Variants in CCDC192 observed in about 807,000 individuals in gnomAD.
CCDC192 encodes coiled-coil domain containing 192.
intron 5 of CCDC192, among the ~76,000 whole-genome samples, chr5:127,799,215 A>G (rs1757342651): frequency 6.6e-6 from 1 of 152,188 alleles, no homozygotes; most frequent in African/African-American, 2.4e-5. Flanking sequence ...TCTGGTGACC[A>G]TTCCTTTGGG....
intron 6 of CCDC192, among the ~76,000 whole-genome samples, chr5:127,892,237 G>A (rs937446570): frequency 3.9e-5 from 6 of 152,164 alleles, no homozygotes; most frequent in Non-Finnish European, 8.8e-5. Context: ...AGTGGAGAAA[G>A]CCCTAAAATT....
At chr5:127,780,293 C>T (rs899756748) in intron 3 of CCDC192, among the ~76,000 whole-genome samples, 85 of 152,130 alleles carry the variant, frequency 5.6e-4, no homozygotes, top group African/African-American at 1.9e-3. Context: ...GTATCTTTTT[C>T]GTACAACGAC....
intron 6 of CCDC192, among the ~76,000 whole-genome samples, chr5:127,893,595 C>G (rs1289954879): frequency 6.6e-6 from 1 of 152,172 alleles, no homozygotes; most frequent in East Asian, 1.9e-4. Context: ...CTGGAAATAT[C>G]AAATGAGCCA....
chr5:127,766,351 AG>A (rs1755223777), intron 3 of CCDC192, among the ~76,000 whole-genome samples: 1 of 152,170 alleles, frequency 6.6e-6, no homozygotes, highest in African/African-American at 2.4e-5. Context: ...AGGAAAAAAA[AG>A]TTCTAGAGAG....
At chr5:127,848,583 C>G (rs1750664190) in intron 5 of CCDC192, among the ~76,000 whole-genome samples, 1 of 152,206 alleles carries the variant, frequency 6.6e-6, no homozygotes, top group South Asian at 2.1e-4. Flanking sequence ...GATGTGACTT[C>G]TCACCTAAAC....
chr5:127,910,835 G>A (rs1296598293), intron 6 of CCDC192, among the ~76,000 whole-genome samples: 1 of 152,144 alleles, frequency 6.6e-6, no homozygotes, highest in Non-Finnish European at 1.5e-5. Flanking sequence ...GTTTAAAAGT[G>A]GCAGACTGTG....
At chr5:127,755,648 C>T (rs1273850970) in intron 3 of CCDC192, among the ~76,000 whole-genome samples, 5 of 131,808 alleles carry the variant, frequency 3.8e-5, no homozygotes, top group African/African-American at 1.4e-4. Context: ...TTACCAAGAA[C>T]GTAATGATAA....
chr5:127,734,612 A>C (rs13185671), intron 2 of CCDC192, among the ~76,000 whole-genome samples: 1 of 127,484 alleles, frequency 7.8e-6, no homozygotes, highest in African/African-American at 3.3e-5. Context: ...TTTTAATGAT[A>C]GCCATTCTAA....
chr5:127,927,059 G>C (rs1753882111), intron 6 of CCDC192, among the ~76,000 whole-genome samples: 1 of 152,168 alleles, frequency 6.6e-6, no homozygotes, highest in Non-Finnish European at 1.5e-5. Context: ...ACCTCAGTAA[G>C]ACCAAGTTTA....
intron 6 of CCDC192, among the ~76,000 whole-genome samples, chr5:127,876,683 T>C (rs1035717738): frequency 6.6e-6 from 1 of 152,226 alleles, no homozygotes; most frequent in Admixed American, 6.5e-5. Context: ...CTGGCTTTCT[T>C]TATTACTCAT....
In CCDC192 at chr5:127,875,211, C is replaced by T. The variant is rs575049576; in HGVS notation, c.412-327C>T. Among the ~76,000 whole-genome samples the T allele has an allele frequency of 2.0e-3, 304 of 152,290 alleles. 1 individual carries two copies. The highest frequency in any genetic ancestry group is 6.7e-3 in the African/African-American group (278 of 41,572). ...CTGATACTAGTAGGCATTAGTACCT[C>T]GGTGGCAAATGCCAACTGGCAAGTA... On this transcript the variant is annotated intron_variant, in intron 5 of 6. Transcript: ENST00000514853.
At chr5:127,838,103 C>T (rs115509794) in intron 5 of CCDC192, among the ~76,000 whole-genome samples, 347 of 152,310 alleles carry the variant, frequency 2.3e-3, no homozygotes, top group African/African-American at 8.0e-3. Context: ...TTCTCAACCC[C>T]GCATGGGTAA....
rs140888962 is a variant in CCDC192, at chr5:127,906,588, C to G, written c.535+30927C>G. On this transcript the variant is annotated intron_variant, in intron 6 of 6. Transcript: ENST00000514853. ...ATCACTTGAGCCCATGAGTTCAAGA[C>G]CAGCCTGGGCAACATAGGGAAACCT... is the stretch of plus-strand genomic sequence containing the variant. Among the ~76,000 whole-genome samples the G allele has an allele frequency of 1.1e-3, 171 of 152,136 alleles. 2 individuals carry two copies. Among genetic ancestry groups the G allele is most frequent in the African/African-American group, 3.9e-3 (160 of 41,514 alleles).
intron 2 of CCDC192, among the ~76,000 whole-genome samples, chr5:127,745,952 T>A (rs779545037): frequency 6.6e-6 from 1 of 152,244 alleles, no homozygotes; most frequent in African/African-American, 2.4e-5. Context: ...TGAAACCACA[T>A]ATCCACCTCC....
At chr5:127,890,069 T>C (rs574952273) in intron 6 of CCDC192, among the ~76,000 whole-genome samples, 2 of 152,174 alleles carry the variant, frequency 1.3e-5, no homozygotes, top group African/African-American at 4.8e-5. Flanking sequence ...TGGATCTGGA[T>C]CTCACAGATG....
intron 5 of CCDC192, among the ~76,000 whole-genome samples, chr5:127,841,198 G>A (rs1356930012): frequency 1.3e-5 from 2 of 152,226 alleles, no homozygotes; most frequent in African/African-American, 4.8e-5. Flanking sequence ...TGGAGCAACA[G>A]TATAGTGGAG....
At chr5:127,719,492 T>C (rs868095500) in intron 2 of CCDC192, among the ~76,000 whole-genome samples, 3 of 113,522 alleles carry the variant, frequency 2.6e-5, no homozygotes, top group Non-Finnish European at 5.3e-5. Flanking sequence ...TATATATATA[T>C]ATACACACAC....
chr5:127,766,014 A>G (rs1053747108), intron 3 of CCDC192, among the ~76,000 whole-genome samples: 3 of 152,114 alleles, frequency 2.0e-5, no homozygotes, highest in Admixed American at 6.5e-5. Context: ...TCTTAAGCCT[A>G]TTTTCACAAT....
intron 3 of CCDC192, among the ~76,000 whole-genome samples, chr5:127,767,840 G>A (rs1303952510): frequency 4.6e-5 from 7 of 152,248 alleles, no homozygotes; most frequent in South Asian, 2.1e-4. Flanking sequence ...CCAAAATAAC[G>A]TGAGGGTGTT....
Sources: allele counts gnomAD v4.1 joint callset (sites outside exome capture counted in the v4.1 genomes callset), GRCh38; gene constraint gnomAD v4.1.1; transcripts MANE v1.5; gene names NCBI Gene and HGNC (gene_info 2026-07-23, HGNC 2026-07-21).